Variants in EIF2B5 observed in about 807,000 individuals in gnomAD.
The protein encoded by EIF2B5 is translation initiation factor eIF2B subunit epsilon.
A neutral mutation model predicts 87.3 loss-of-function variants in EIF2B5; 38 were observed. That is an observed-to-expected ratio of 0.44 (90% CI 0.34 to 0.57). The LOEUF (loss-of-function observed/expected upper bound fraction) is 0.57. Ranked by LOEUF, EIF2B5 falls within the 20% of genes least tolerant of loss-of-function variation. The pLI is 0.02. For missense variants in EIF2B5, 784 were observed against 909.5 expected (o/e 0.86, Z 1.78); for synonymous variants, 313 against 339.6 (o/e 0.92, Z 0.86).
At chr3:184,137,404 A>G in intron 2 of EIF2B5, 1 of 609,632 alleles carries the variant, frequency 1.6e-6, no homozygotes, top group Non-Finnish European at 2.9e-6. Flanking sequence ...GAGAGGAAAT[A>G]ACCATGTTTC....
In EIF2B5 at chr3:184,140,137, G is replaced by A. The variant is rs759921833; in HGVS notation, c.823G>A (p.Gly275Ser). The A allele has an allele frequency of 1.9e-6, 3 of 1,614,006 alleles. No individual in the cohort carries two copies. Residue 275 changes from glycine to serine, a missense_variant, in exon 6 of 16, where the codon GGT becomes AGT. By Grantham distance (56) the Gly-to-Ser change is moderately conservative (BLOSUM62 0). This residue lies in a region of EIF2B5 where 660 missense variants were observed against 789.5 expected (regional missense o/e 0.84). Coordinates refer to ENST00000648915, the MANE Select transcript of EIF2B5 (RefSeq NM_003907.3). Reference protein sequence around the residue: ...DYQTRDDFVRGLLVNEEILGN... With the variant: ...DYQTRDDFVRSLLVNEEILGN... ...CCAAACTCGAGATGACTTTGTGCGA[G>A]GTCTCTTAGTGAATGAGGAGGTGAG...
chr3:184,136,921 G>A, intron 2 of EIF2B5, 185 bp downstream of exon 2: 2 of 808,824 alleles, frequency 2.5e-6, no homozygotes. Context: ...TGTCTGTCTT[G>A]GGTTTTCTGT....
At chr3:184,138,364 T>C in intron 5 of EIF2B5, 118 bp downstream of exon 5, 1 of 1,040,838 alleles carries the variant, frequency 9.6e-7, no homozygotes, top group Non-Finnish European at 1.5e-6. Flanking sequence ...TTATTTTTAC[T>C]TTTATTTTTT....
In EIF2B5 at chr3:184,142,959, C is replaced by A; in HGVS notation, c.1654+73C>A. 6.4e-7 allele frequency: 1 copy of A among 1,570,614 alleles called. No homozygotes were observed. Among genetic ancestry groups the A allele is most frequent in the Non-Finnish European group, 8.7e-7 (1 of 1,148,204 alleles). On this transcript the variant is annotated intron_variant, in intron 11 of 15. Coordinates refer to ENST00000648915, the MANE Select transcript of EIF2B5 (RefSeq NM_003907.3). The surrounding 1 kb of genome is among the most constrained non-coding windows in gnomAD (Gnocchi z 5.0). ...GATCAACTAGCCAGAGGCTTACGTT[C>A]CTCAGAAAGGGTTTGGTATCGAGTC... is the stretch of plus-strand genomic sequence containing the variant.
At position 184,136,622 on chromosome 3, in the gene EIF2B5, C is replaced by T; in HGVS notation, c.206C>T (p.Pro69Leu). 1.2e-6 allele frequency: 2 copies of T among 1,614,110 alleles called. No individual in the cohort carries two copies. The highest frequency in any genetic ancestry group is 1.7e-6 in the Non-Finnish European group (2 of 1,180,034). ...ISKDQPRVLL[P>L]LANVALIDYT... ...TCTTGTATCCTTCAGGTCCTCTTGC[C>T]CCTGGCCAATGTGGCATTAATTGAC... The change falls in exon 2 of 16, where the codon CCC becomes CTC. Residue 69 changes from proline (P) to leucine (L), a missense_variant. Pro to Leu is a moderately conservative substitution (Grantham distance 98). Around this residue, in one of 3 missense-constraint regions of EIF2B5, gnomAD observed 117 missense variants for 101.0 expected, o/e 1.16. Transcript: ENST00000648915.
chr3:184,142,063 C>T lies in EIF2B5; in HGVS notation c.1295C>T (p.Thr432Ile). 2.5e-6 allele frequency: 4 copies of T among 1,614,196 alleles called. No individual in the cohort carries two copies. Among genetic ancestry groups the T allele is most frequent in the Non-Finnish European group, 3.4e-6 (4 of 1,180,042 alleles). Residue 432 changes from threonine (T) to isoleucine (I), a missense_variant, in exon 8 of 16, where the codon ACT becomes ATT. Physicochemically the swap from Thr to Ile is moderately conservative, Grantham distance 89. This residue lies in a region of EIF2B5 where 660 missense variants were observed against 789.5 expected (regional missense o/e 0.84). Transcript: ENST00000648915. This position sits in a 1 kb window ranked among gnomAD's most constrained non-coding sequence, Gnocchi z 5.0. ...RVTLKPRSVL[T>I]SQVVVGPNIT... is the part of the protein sequence containing the mutation. Reference sequence around the variant, plus strand: ...ACACTGAAACCACGCTCTGTCCTCACTTCCCAGGTGAGACCTGATCTATAC... The same window carrying T: ...ACACTGAAACCACGCTCTGTCCTCATTTCCCAGGTGAGACCTGATCTATAC...
chr3:184,137,243 C>T (rs1713405375), intron 2 of EIF2B5: 1 of 374,310 alleles, frequency 2.7e-6, no homozygotes, highest in Non-Finnish European at 5.0e-6. Context: ...AGGACATTAG[C>T]ATGGTCTCCA....
chr3:184,142,099 C>T lies in EIF2B5; in HGVS notation c.1302+29C>T, dbSNP rs932295290. On this transcript the variant is annotated intron_variant, in intron 8 of 15. Coordinates refer to ENST00000648915, the MANE Select transcript of EIF2B5 (RefSeq NM_003907.3). The surrounding 1 kb of genome is among the most constrained non-coding windows in gnomAD (Gnocchi z 5.0). ...AGACCTGATCTATACTGTGCACAGG[C>T]CCTGAATTGCATGGCAGTCACACTG... 2 of 1,613,984 alleles carry T rather than the reference C, an allele frequency of 1.2e-6. No individual in the cohort carries two copies. Among genetic ancestry groups the T allele is most frequent in the African/African-American group, 2.7e-5 (2 of 74,910 alleles).
intron 5 of EIF2B5, chr3:184,138,854 GT>G: frequency 7.0e-6 from 2 of 284,226 alleles, no homozygotes; most frequent in Non-Finnish European, 1.4e-5. Context: ...TAGAGACGGG[GT>G]TTTGCCATGT....
At chr3:184,137,139 T>C (rs1457260663) in intron 2 of EIF2B5, 3 of 347,852 alleles carry the variant, frequency 8.6e-6, no homozygotes, top group African/African-American at 6.4e-5. Flanking sequence ...ACTGCCTAGC[T>C]CAGTCCCAAG....
intron 7 of EIF2B5, among the ~76,000 whole-genome samples, chr3:184,141,439 C>T (rs567216374): frequency 6.6e-6 from 1 of 152,212 alleles, no homozygotes; most frequent in East Asian, 1.9e-4. Context: ...CATGATGGCG[C>T]GTGCCTGTAA....
In EIF2B5 at chr3:184,135,556, C is replaced by A. The variant is rs1206713854; in HGVS notation, c.171C>A (p.Phe57Leu). Residue 57 changes from phenylalanine to leucine, a missense_variant, in exon 1 of 16, where the codon TTC becomes TTA. Transcript: ENST00000648915. Reference protein sequence around the residue: ...LVADSFDRRFFPISKDQPRVL... With the variant: ...LVADSFDRRFLPISKDQPRVL... ...CCGATAGCTTCGATCGCCGCTTCTT[C>A]CCCATCTCCAAGGACCAGCCTCGGG... 2 of 1,590,756 alleles carry A rather than the reference C, an allele frequency of 1.3e-6. No individual in the cohort carries two copies. The highest frequency in any genetic ancestry group is 1.3e-5 in the African/African-American group (1 of 74,158).
chr3:184,136,443 C>T (rs942151001), intron 1 of EIF2B5, among the ~76,000 whole-genome samples, 169 bp from the exon 2 acceptor site: 8 of 152,204 alleles, frequency 5.3e-5, no homozygotes, highest in Non-Finnish European at 1.2e-4. Flanking sequence ...CAGACTCAGG[C>T]TTAGAGCATG....
chr3:184,137,411 T>C, intron 2 of EIF2B5: 1 of 615,478 alleles, frequency 1.6e-6, no homozygotes. Flanking sequence ...AATAACCATG[T>C]TTCCTAACCC....
chr3:184,137,597 C>A (rs1253435652), intron 2 of EIF2B5, 23 bp from the exon 3 acceptor site: 1 of 1,610,964 alleles, frequency 6.2e-7, no homozygotes, highest in East Asian at 2.2e-5. Context: ...TACACTCATT[C>A]CCCTCACCCT....
Position 184,135,486 on chromosome 3 carries a change from G to A in EIF2B5, c.101G>A (p.Gly34Glu), listed in dbSNP as rs1287773961. The change falls in exon 1 of 16, where the codon GGG becomes GAG. Residue 34 changes from glycine (G) to glutamate (E), a missense_variant. Around this residue, in one of 3 missense-constraint regions of EIF2B5, gnomAD observed 117 missense variants for 101.0 expected, o/e 1.16. Transcript: ENST00000648915. Reference protein sequence around the residue: ...PGGSGGGGARGAEEEPPPPLQ... With the variant: ...PGGSGGGGAREAEEEPPPPLQ... The stretch of plus-strand genomic sequence containing the variant: ...GGCAGCGGTGGCGGGGGAGCCAGAG[G>A]GGCGGAGGAGGAACCGCCGCCGCCC... 6.3e-7 allele frequency: 1 copy of A among 1,580,206 alleles called. No homozygotes were observed. The highest frequency in any genetic ancestry group is 8.6e-7 in the Non-Finnish European group (1 of 1,164,104).
At position 184,137,880 on chromosome 3, in the gene EIF2B5, C is replaced by T. The variant is rs1208056308; in HGVS notation, c.507-18C>T. 2 of 1,614,046 alleles carry T rather than the reference C, an allele frequency of 1.2e-6. No homozygotes were observed. Among genetic ancestry groups the T allele is most frequent in the East Asian group, 2.2e-5 (1 of 44,898 alleles). ...TGAGACTGCTTTTTTGCAGTTCTGTCCCTCCTGTCCTTTATAGGTTGAGAC... is the reference window on the plus strand; with the variant it reads ...TGAGACTGCTTTTTTGCAGTTCTGTTCCTCCTGTCCTTTATAGGTTGAGAC... On this transcript the variant is annotated intron_variant, in intron 3 of 15. Coordinates refer to ENST00000648915, the MANE Select transcript of EIF2B5 (RefSeq NM_003907.3).
At position 184,142,009 on chromosome 3, in the gene EIF2B5, G is replaced by T; in HGVS notation, c.1241G>T (p.Cys414Phe). 6.2e-7 allele frequency: 1 copy of T among 1,614,094 alleles called. No individual in the cohort carries two copies. Among genetic ancestry groups the T allele is most frequent in the Non-Finnish European group, 8.5e-7 (1 of 1,180,018 alleles). ...AGAQIHQSLLCDNAEVKERVT... is the reference protein window; with the variant it reads ...AGAQIHQSLLFDNAEVKERVT... ...GCACAGATCCATCAGTCTCTGCTTT[G>T]TGACAATGCTGAGGTCAAGGAACGA... The change falls in exon 8 of 16, where the codon TGT becomes TTT. Residue 414 changes from cysteine to phenylalanine, a missense_variant. This residue lies in a region of EIF2B5 where 660 missense variants were observed against 789.5 expected (regional missense o/e 0.84). Transcript: ENST00000648915. This position sits in a 1 kb window ranked among gnomAD's most constrained non-coding sequence, Gnocchi z 5.0.
Position 184,145,115 on chromosome 3 carries a change from C to T in EIF2B5, c.*172C>T, listed in dbSNP as rs2109012532. ...CCCCTGCTAGCAACCATGTGCCTCC[C>T]ATCCTGACTGTGGAGTTGGGATGTG... On this transcript the variant is annotated 3_prime_UTR_variant, in exon 16 of 16. Transcript: ENST00000648915. The surrounding 1 kb of genome is among the most constrained non-coding windows in gnomAD (Gnocchi z 4.0). 1.4e-6 allele frequency: 1 copy of T among 689,658 alleles called. No individual in the cohort carries two copies. Among genetic ancestry groups the T allele is most frequent in the Non-Finnish European group, 2.6e-6 (1 of 387,336 alleles). The allele number at this position is 689,658 out of a possible 1,614,324, so 42.7% of individuals were successfully genotyped here. A position where few individuals can be genotyped will look rare whatever the true frequency, so the allele number is the denominator to read the frequency against.
Sources: allele counts gnomAD v4.1 joint callset (sites outside exome capture counted in the v4.1 genomes callset), GRCh38; gene constraint gnomAD v4.1.1; regional missense constraint gnomAD v4.1.1; non-coding constraint Gnocchi (gnomAD v3.1); transcripts MANE v1.5; gene names NCBI Gene and HGNC (gene_info 2026-07-23, HGNC 2026-07-21).